NRXN3: variants seen among roughly 807,000 people sequenced by gnomAD.
NRXN3 encodes neurexin III.
In NRXN3, 32 loss-of-function variants were observed where a neutral mutation model predicts 137.6. The observed-to-expected ratio is 0.23, with a 90% confidence interval of 0.18 to 0.31. The LOEUF is 0.31. Ranked by LOEUF, NRXN3 falls within the 10% of genes least tolerant of loss-of-function variation. The pLI is 1.00. For synonymous variants in NRXN3, 798 were observed against 784.5 expected, an observed-to-expected ratio of 1.02 and a Z score of -0.29; for missense variants, 1,574 against 2,062.5, an observed-to-expected ratio of 0.76 and a Z score of 4.59.
chr14:78,190,478 G>A (rs1181644378), intron 1 of NRXN3, among the ~76,000 whole-genome samples: 1 of 152,244 alleles, frequency 6.6e-6, no homozygotes, highest in Non-Finnish European at 1.5e-5. Flanking sequence ...CTTCTCGGGA[G>A]AGGATTGGGA....
intron 15 of NRXN3, among the ~76,000 whole-genome samples, chr14:79,097,608 G>A (rs1325473981): frequency 2.0e-5 from 3 of 152,156 alleles, no homozygotes; most frequent in Non-Finnish European, 4.4e-5. Flanking sequence ...GCATTCCATG[G>A]CTAGAATTTG....
intron 4 of NRXN3, among the ~76,000 whole-genome samples, chr14:78,424,027 A>C: frequency 6.6e-6 from 1 of 152,212 alleles, no homozygotes; most frequent in East Asian, 1.9e-4. Context: ...AAATGCATTT[A>C]GCGGGGGTTC....
chr14:78,428,816 C>A (rs955793090), intron 4 of NRXN3, among the ~76,000 whole-genome samples: 2 of 152,152 alleles, frequency 1.3e-5, no homozygotes, highest in African/African-American at 4.8e-5. Flanking sequence ...GCTCTTCACC[C>A]AATTGCATGA....
At chr14:78,435,319 G>A (rs1172411589) in intron 4 of NRXN3, among the ~76,000 whole-genome samples, 1 of 152,142 alleles carries the variant, frequency 6.6e-6, no homozygotes, top group Non-Finnish European at 1.5e-5. Flanking sequence ...GACAGGCCCT[G>A]TGAGAAGGGT....
intron 4 of NRXN3, among the ~76,000 whole-genome samples, chr14:78,464,470 T>C (rs997107714): frequency 1.6e-4 from 25 of 152,166 alleles, no homozygotes; most frequent in African/African-American, 5.8e-4. Context: ...GTGAGAGAAT[T>C]CAGAAGTCAT....
At chr14:79,584,700 C>T (rs757165239) in intron 16 of NRXN3, among the ~76,000 whole-genome samples, 1 of 152,162 alleles carries the variant, frequency 6.6e-6, no homozygotes, top group African/African-American at 2.4e-5. Context: ...GCGGGCTCAG[C>T]TGACCACCTG....
chr14:79,498,117 A>G (rs2096785245), intron 16 of NRXN3, among the ~76,000 whole-genome samples: 1 of 152,196 alleles, frequency 6.6e-6, no homozygotes, highest in Non-Finnish European at 1.5e-5. Context: ...GAGCGTCGGA[A>G]TTATACTATT....
chr14:79,811,530 G>A (rs545577599), intron 20 of NRXN3, among the ~76,000 whole-genome samples: 2 of 146,260 alleles, frequency 1.4e-5, no homozygotes, highest in South Asian at 4.5e-4. Context: ...TACAGTTTTT[G>A]TCTTTGTTAA....
rs116557942 is a variant in NRXN3 at position 78,980,444 on chromosome 14, C to A, written c.3143-7578C>A. ...TTTGGGCAATAACAGAGGGAAAGTGCATTCTGATACTAGTGTTGTGAGCTT... is the reference window on the plus strand; with the variant it reads ...TTTGGGCAATAACAGAGGGAAAGTGAATTCTGATACTAGTGTTGTGAGCTT... On this transcript the variant is annotated intron_variant, in intron 14 of 20. Transcript: ENST00000335750. Among the ~76,000 whole-genome samples the A allele has an allele frequency of 2.4e-3, 365 of 152,290 alleles. 3 individuals carry two copies. Among genetic ancestry groups the A allele is most frequent in the African/African-American group, 8.2e-3 (341 of 41,570 alleles).
intron 15 of NRXN3, among the ~76,000 whole-genome samples, chr14:78,997,339 A>T (rs1271846470): frequency 6.6e-6 from 1 of 152,174 alleles, no homozygotes; most frequent in African/African-American, 2.4e-5. Flanking sequence ...GACCATTTTC[A>T]TTGCTGTGTT....
At chr14:78,436,335 A>G (rs1038674693) in intron 4 of NRXN3, among the ~76,000 whole-genome samples, 12 of 152,236 alleles carry the variant, frequency 7.9e-5, no homozygotes, top group Non-Finnish European at 1.0e-4. Flanking sequence ...ATGTCAGGGT[A>G]CATTAATTAT....
Position 78,366,325 on chromosome 14 carries a change from T to A in NRXN3, c.757+68465T>A, listed in dbSNP as rs61976056. On this transcript the variant is annotated intron_variant, in intron 4 of 20. Coordinates refer to ENST00000335750, the MANE Select transcript of NRXN3 (RefSeq NM_001330195.2). ...GCTCTGAGAGAGCTTTCTGTCTCTG[T>A]CTCTTTTGGCCGCCCAGATGGTTAT... 8.4e-3 allele frequency among the ~76,000 whole-genome samples: 1,282 copies of A among 152,304 alleles called. 9 individuals carry two copies. The highest frequency in any genetic ancestry group is 0.012 in the Non-Finnish European group (824 of 68,030).
At chr14:78,666,171 AT>A (rs1432754680) in intron 6 of NRXN3, among the ~76,000 whole-genome samples, 4 of 152,184 alleles carry the variant, frequency 2.6e-5, no homozygotes, top group Admixed American at 6.5e-5. Flanking sequence ...ATGCTACAGT[AT>A]TTTTGACTAT....
At chr14:78,846,563 T>TGAGC (rs2099027703) in intron 10 of NRXN3, among the ~76,000 whole-genome samples, 1 of 152,112 alleles carries the variant, frequency 6.6e-6, no homozygotes, top group Non-Finnish European at 1.5e-5. Flanking sequence ...CAGGTGGTTA[T>TGAGC]AAAGTTGCAA....
chr14:79,065,706 C>A (rs753441186), intron 15 of NRXN3, among the ~76,000 whole-genome samples: 2 of 152,192 alleles, frequency 1.3e-5, no homozygotes, highest in East Asian at 3.9e-4. Context: ...GTAATCTCTG[C>A]CATTCTTTAT....
chr14:79,552,145 A>G (rs895342442), intron 16 of NRXN3, among the ~76,000 whole-genome samples: 2 of 152,226 alleles, frequency 1.3e-5, no homozygotes, highest in Non-Finnish European at 2.9e-5. Context: ...TTGTTTATTC[A>G]GTGAATCAAA....
intron 19 of NRXN3, among the ~76,000 whole-genome samples, chr14:79,740,406 G>C (rs2098956947): frequency 6.6e-6 from 1 of 152,060 alleles, no homozygotes; most frequent in African/African-American, 2.4e-5. Flanking sequence ...GCAGGAGAGA[G>C]TTTCAGATTT....
At chr14:79,008,899 C>T (rs987789337) in intron 15 of NRXN3, among the ~76,000 whole-genome samples, 6 of 152,050 alleles carry the variant, frequency 3.9e-5, no homozygotes, top group African/African-American at 1.4e-4. Flanking sequence ...CCTCATGATC[C>T]ACCCGCCTTG....
chr14:78,450,673 T>C (rs1316788960), intron 4 of NRXN3, among the ~76,000 whole-genome samples: 1 of 152,226 alleles, frequency 6.6e-6, no homozygotes, highest in Non-Finnish European at 1.5e-5. Flanking sequence ...AGCTGTGGGC[T>C]CCTGAGCTTC....
Sources: allele counts gnomAD v4.1 joint callset (sites outside exome capture counted in the v4.1 genomes callset), GRCh38; gene constraint gnomAD v4.1.1; transcripts MANE v1.5; gene names NCBI Gene and HGNC (gene_info 2026-07-23, HGNC 2026-07-21).